Variants in IL2 observed in about 807,000 individuals in gnomAD.
The protein encoded by IL2 is interleukin-2.
A neutral mutation model predicts 14.6 loss-of-function variants in IL2; 3 were observed. The ratio of observed to expected loss-of-function variants is 0.21; its 90% CI spans 0.09 to 0.53. The LOEUF (loss-of-function observed/expected upper bound fraction) is 0.53. IL2 is among the 20% of genes least tolerant of loss of function. The probability of loss-of-function intolerance (pLI) is 0.95; values close to 1 mark genes in which losing one functional copy is unlikely to be tolerated. For synonymous variants in IL2, 71 were observed against 60.0 expected (o/e 1.18, Z -0.85); for missense variants, 125 against 170.8 (o/e 0.73, Z 1.50).
Position 122,456,678 on chromosome 4 carries a change from T to G in IL2, c.-238A>C, listed in dbSNP as rs905789134. Reference sequence around the variant, plus strand: ...AACCCCCAAAGACTGACTGAATGGATGTAGGTGAAATCCCTCTTTGTTACA... The same window carrying G: ...AACCCCCAAAGACTGACTGAATGGAGGTAGGTGAAATCCCTCTTTGTTACA... On this transcript the variant is annotated 5_prime_UTR_variant, in exon 1 of 4. Coordinates refer to ENST00000226730, the MANE Select transcript of IL2 (RefSeq NM_000586.4). 1.3e-5 allele frequency: 5 copies of G among 372,286 alleles called. No individual in the cohort carries two copies. The highest frequency in any genetic ancestry group is 1.0e-4 in the African/African-American group (5 of 48,438). The allele number at this position is 372,286 out of a possible 1,614,324, so 23.1% of individuals were successfully genotyped here.
chr4:122,454,552 T>A (rs1797711135), intron 2 of IL2, among the ~76,000 whole-genome samples: 1 of 151,698 alleles, frequency 6.6e-6, no homozygotes, highest in African/African-American at 2.4e-5. Context: ...TTAAAAGAAT[T>A]TTCTCCAAAA....
Position 122,456,622 on chromosome 4 carries a change from C to A in IL2, c.-182G>T. ...CTGAAAAAACATTACCTTCATTTTT[C>A]CTCTTCTGATGACTCTTTGGAATTT... On this transcript the variant is annotated 5_prime_UTR_variant, in exon 1 of 4. Transcript: ENST00000226730. 2.0e-6 allele frequency: 1 copy of A among 509,412 alleles called. No homozygotes were observed. The highest frequency in any genetic ancestry group is 3.6e-5 in the South Asian group (1 of 28,152). 31.6% of individuals were successfully genotyped at this position (509,412 alleles called of 1,614,324 possible).
intron 2 of IL2, among the ~76,000 whole-genome samples, chr4:122,455,667 G>C (rs764440744): frequency 5.3e-5 from 8 of 151,874 alleles, no homozygotes; most frequent in Non-Finnish European, 1.0e-4. Flanking sequence ...ATGAAAGCTA[G>C]GACATGGCAG....
At chr4:122,453,005 T>G (rs79049031) in intron 3 of IL2, among the ~76,000 whole-genome samples, 1 of 151,924 alleles carries the variant, frequency 6.6e-6, no homozygotes, top group African/African-American at 2.4e-5. Context: ...TGGACACAAC[T>G]GGAGTTACTT....
At chr4:122,455,848 T>A (rs181492731) in intron 2 of IL2, among the ~76,000 whole-genome samples, 103 of 152,028 alleles carry the variant, frequency 6.8e-4, no homozygotes, top group African/African-American at 2.2e-3. Flanking sequence ...TATTTTAGAG[T>A]TTTACATTTT....
Position 122,451,509 on chromosome 4 carries a change from A to G in IL2, c.*243T>C, listed in dbSNP as rs1006636965. The G allele has an allele frequency of 6.0e-5, 14 of 234,238 alleles. No homozygotes were observed. The highest frequency in any genetic ancestry group is 2.9e-4 in the African/African-American group (13 of 44,310). 14.5% of individuals were successfully genotyped at this position (234,238 alleles called of 1,614,324 possible). On this transcript the variant is annotated 3_prime_UTR_variant, in exon 4 of 4. Transcript: ENST00000226730. ...ATTTATTAAATAGTTTTACTAACCA[A>G]TCTACATAGATACTATATTTAACAT...
intron 2 of IL2, among the ~76,000 whole-genome samples, chr4:122,455,624 A>G (rs928798891): frequency 6.6e-6 from 1 of 151,942 alleles, no homozygotes; most frequent in Non-Finnish European, 1.5e-5. Context: ...ATGAAACTGA[A>G]TCACAAACAG....
chr4:122,451,695 T>C lies in IL2; in HGVS notation c.*57A>G. On this transcript the variant is annotated 3_prime_UTR_variant, in exon 4 of 4. Transcript: ENST00000226730. ...ATACATTCAACAATAAATATAAAAT[T>C]TAAATATTTAAATAAATAGAAGGCC... is the stretch of plus-strand genomic sequence containing the variant. The C allele has an allele frequency of 1.7e-6, 1 of 586,848 alleles. No individual in the cohort carries two copies. The highest frequency in any genetic ancestry group is 2.7e-6 in the Non-Finnish European group (1 of 364,432). 36.4% of individuals were successfully genotyped at this position (586,848 alleles called of 1,614,324 possible).
chr4:122,456,432 C>T lies in IL2; in HGVS notation c.9G>A (p.Arg3=). Residue 3 remains arginine (R), a synonymous_variant, in exon 1 of 4, where the codon AGG becomes AGA. Coordinates refer to ENST00000226730, the MANE Select transcript of IL2 (RefSeq NM_000586.4). Reference sequence around the variant, plus strand: ...GTGCAATGCAAGACAGGAGTTGCATCCTGTACATTGTGGCAGGAGTTGAGG... The same window carrying T: ...GTGCAATGCAAGACAGGAGTTGCATTCTGTACATTGTGGCAGGAGTTGAGG... MY[R]MQLLSCIALS... is the part of the protein sequence containing the mutation. The T allele has an allele frequency of 6.2e-7, 1 of 1,608,658 alleles. No individual in the cohort carries two copies. The highest frequency in any genetic ancestry group is 8.5e-7 in the Non-Finnish European group (1 of 1,176,432).
chr4:122,454,155 C>A (rs1161694550), intron 2 of IL2, among the ~76,000 whole-genome samples: 1 of 151,806 alleles, frequency 6.6e-6, no homozygotes, highest in Non-Finnish European at 1.5e-5. Flanking sequence ...CTTTTCCAAT[C>A]TGCATAGAAA....
At chr4:122,453,602 A>G (rs983420798) in intron 3 of IL2, 108 bp downstream of exon 3, 1 of 837,500 alleles carries the variant, frequency 1.2e-6, no homozygotes, top group African/African-American at 1.7e-5. Context: ...AATTACATGC[A>G]TGGGTACTTT....
intron 3 of IL2, among the ~76,000 whole-genome samples, chr4:122,452,266 T>C (rs889399290): frequency 1.3e-5 from 2 of 151,968 alleles, no homozygotes; most frequent in Non-Finnish European, 2.9e-5. Flanking sequence ...CATTATACTT[T>C]CTTCTTTTCT....
chr4:122,453,886 A>T, intron 2 of IL2, 33 bp from the exon 3 acceptor site: 1 of 1,568,418 alleles, frequency 6.4e-7, no homozygotes, highest in Non-Finnish European at 8.6e-7. Context: ...CTCAGTTTAC[A>T]TAGAGGTCAG....
chr4:122,451,760 G>A lies in IL2; in HGVS notation c.454C>T (p.Leu152=), dbSNP rs529865285. The A allele has an allele frequency of 1.3e-5, 19 of 1,517,242 alleles. No homozygotes were observed. The highest frequency in any genetic ancestry group is 7.0e-5 in the East Asian group (3 of 42,756). 94.0% of individuals were successfully genotyped at this position (1,517,242 alleles called of 1,614,324 possible). A position where few individuals can be genotyped will look rare whatever the true frequency, so the allele number is the denominator to read the frequency against. Residue 152 remains leucine, a synonymous_variant, in exon 4 of 4, where the codon CTG becomes TTG. Transcript: ENST00000226730. ...TGGGAAGCACTTAATTATCAAGTCA[G>A]TGTTGAGATGATGCTTTGACAAAAG... is the stretch of plus-strand genomic sequence containing the variant. ...ITFCQSIIST[L]T
intron 2 of IL2, among the ~76,000 whole-genome samples, chr4:122,455,243 C>T (rs1449253843): frequency 6.6e-6 from 1 of 151,784 alleles, no homozygotes; most frequent in East Asian, 1.9e-4. Flanking sequence ...CAAGCTCTTT[C>T]TGGCACCAGA....
In IL2 at chr4:122,455,650, A is replaced by G. The variant is rs570878644; in HGVS notation, c.207+494T>C. 4.6e-5 allele frequency among the ~76,000 whole-genome samples: 7 copies of G among 152,056 alleles called. No homozygotes were observed. In the South Asian group the frequency reaches 8.3e-4, roughly 18 times the overall value. ...TCACAAACAGAGTAGGTAATTTGCC[A>G]AAGATCATGAAAGCTAGGACATGGC... is the stretch of plus-strand genomic sequence containing the variant. On this transcript the variant is annotated intron_variant, in intron 2 of 3. Transcript: ENST00000226730.
At chr4:122,453,914 CA>C (rs1464332456) in intron 2 of IL2, 61 bp from the exon 3 acceptor site, 2 of 1,442,420 alleles carry the variant, frequency 1.4e-6, no homozygotes, top group African/African-American at 2.9e-5. Flanking sequence ...AATTAATTTC[CA>C]ATTTATTTTA....
In IL2 at chr4:122,456,126, A is replaced by T; in HGVS notation, c.207+18T>A. 6.4e-7 allele frequency: 1 copy of T among 1,559,144 alleles called. No individual in the cohort carries two copies. Among genetic ancestry groups the T allele is most frequent in the Non-Finnish European group, 8.8e-7 (1 of 1,133,394 alleles). ...AATTTTATTAAAACAGAAATTGAAC[A>T]TAAAATATTGTACTTACCTTCTTGG... is the stretch of plus-strand genomic sequence containing the variant. On this transcript the variant is annotated intron_variant, in intron 2 of 3. Transcript: ENST00000226730.
At position 122,454,695 on chromosome 4, in the gene IL2, T is replaced by G. The variant is rs181266505; in HGVS notation, c.208-842A>C. Among the ~76,000 whole-genome samples the G allele has an allele frequency of 9.9e-5, 15 of 151,966 alleles. No individual in the cohort carries two copies. In the East Asian group the frequency reaches 2.7e-3, roughly 27 times the overall value. On this transcript the variant is annotated intron_variant, in intron 2 of 3. Transcript: ENST00000226730. ...AGAGCCAGAATTAGATTTCATTTCTTTCTCATTATAGCATTAACATAGCAT... is the reference window on the plus strand; with the variant it reads ...AGAGCCAGAATTAGATTTCATTTCTGTCTCATTATAGCATTAACATAGCAT...
Sources: allele counts gnomAD v4.1 joint callset (sites outside exome capture counted in the v4.1 genomes callset), GRCh38; gene constraint gnomAD v4.1.1; transcripts MANE v1.5; gene names NCBI Gene and HGNC (gene_info 2026-07-23, HGNC 2026-07-21).